The following NRXN1 variants were observed in gnomAD, a reference collection of about 807,000 sequenced individuals.
NRXN1 encodes the protein neurexin 1, also known as neurexin-1.
A neutral mutation model predicts 150.9 loss-of-function variants in NRXN1; 39 were observed. The observed-to-expected ratio is 0.26, with a 90% confidence interval of 0.20 to 0.34. The LOEUF (loss-of-function observed/expected upper bound fraction) is 0.34. Among genes scored for constraint, NRXN1 ranks in the 10% least tolerant of loss-of-function variants. The pLI is 1.00. For missense variants in NRXN1, 1,815 were observed against 1,949.9 expected, an observed-to-expected ratio of 0.93 and a Z score of 1.30; for synonymous variants, 924 against 757.0, an observed-to-expected ratio of 1.22 and a Z score of -3.62.
chr2:50,023,783 C>T (rs185673122), intron 21 of NRXN1: 7 of 152,236 alleles, frequency 4.6e-5, no homozygotes, highest in Non-Finnish European at 8.8e-5. Flanking sequence ...TGGACAACAA[C>T]ATCACATACA....
intron 5 of NRXN1, among the ~76,000 whole-genome samples, chr2:50,722,979 G>A (rs1406121558): frequency 6.6e-6 from 1 of 152,040 alleles, no homozygotes; most frequent in African/African-American, 2.4e-5. Flanking sequence ...TGCTGAGCTA[G>A]AGTCATTCTC....
At chr2:50,980,225 T>C (rs1198025748) in intron 2 of NRXN1, among the ~76,000 whole-genome samples, 1 of 152,068 alleles carries the variant, frequency 6.6e-6, no homozygotes, top group African/African-American at 2.4e-5. Context: ...TGCCTCAAAC[T>C]CTTGAGTTGC....
chr2:50,951,229 G>C (rs1001528330), intron 2 of NRXN1, among the ~76,000 whole-genome samples: 1 of 152,150 alleles, frequency 6.6e-6, no homozygotes, highest in Non-Finnish European at 1.5e-5. Context: ...GATGAGATGA[G>C]AGGAGTACTA....
In NRXN1 at chr2:50,807,746, A is replaced by C. The variant is rs549553971; in HGVS notation, c.832+114123T>G. Among the ~76,000 whole-genome samples the C allele has an allele frequency of 1.3e-4, 20 of 152,262 alleles. No homozygotes were observed. In the East Asian group the frequency reaches 3.7e-3, roughly 28 times the overall value. On this transcript the variant is annotated intron_variant, in intron 5 of 22. Transcript: ENST00000401669. ...TGTCACTACCCTTAGCTATACTTTAAATTAAGAAACTAACATAATTTATTT... is the reference window on the plus strand; with the variant it reads ...TGTCACTACCCTTAGCTATACTTTACATTAAGAAACTAACATAATTTATTT...
rs568396141 is a variant in NRXN1 at position 49,933,866 on chromosome 2, C to A, written c.4216+9838G>T. 3.9e-5 allele frequency among the ~76,000 whole-genome samples: 6 copies of A among 152,278 alleles called. No homozygotes were observed. In the East Asian group the frequency reaches 1.2e-3, roughly 29 times the overall value. ...GTGTCTCAATCAGCTGTGGCAGTGACCATCAAGGACATTATCTCCCCGGGA... is the reference window on the plus strand; with the variant it reads ...GTGTCTCAATCAGCTGTGGCAGTGAACATCAAGGACATTATCTCCCCGGGA... On this transcript the variant is annotated intron_variant, in intron 22 of 22. Coordinates refer to ENST00000401669, the MANE Select transcript of NRXN1 (RefSeq NM_001330078.2).
intron 2 of NRXN1, among the ~76,000 whole-genome samples, chr2:50,950,297 T>C (rs1022264768): frequency 1.3e-5 from 2 of 152,092 alleles, no homozygotes; most frequent in Non-Finnish European, 2.9e-5. Flanking sequence ...GAGATTGCAA[T>C]AAAAAAGAAA....
intron 3 of NRXN1, 84 bp downstream of exon 3, chr2:50,925,854 C>T (rs757347663): frequency 1.9e-6 from 2 of 1,034,594 alleles, no homozygotes; most frequent in Middle Eastern, 2.1e-4. Flanking sequence ...GTTCAACTTA[C>T]CATCTAACTT....
intron 17 of NRXN1, among the ~76,000 whole-genome samples, chr2:50,388,833 G>T (rs554035706): frequency 6.6e-6 from 1 of 151,766 alleles, no homozygotes; most frequent in Non-Finnish European, 1.5e-5. Context: ...CTAAATAAAG[G>T]TTCTCTGATT....
intron 17 of NRXN1, among the ~76,000 whole-genome samples, chr2:50,385,769 T>C (rs1162310616): frequency 1.3e-5 from 2 of 152,148 alleles, no homozygotes; most frequent in East Asian, 3.9e-4. Flanking sequence ...ATTTTATCAA[T>C]GGCTTTGATA....
At chr2:50,424,535 A>G (rs1031895650) in intron 17 of NRXN1, among the ~76,000 whole-genome samples, 1 of 152,098 alleles carries the variant, frequency 6.6e-6, no homozygotes, top group Non-Finnish European at 1.5e-5. Context: ...ATATGGGTCT[A>G]CCTAACACTG....
At chr2:50,975,360 C>T (rs545880920) in intron 2 of NRXN1, among the ~76,000 whole-genome samples, 108 of 152,152 alleles carry the variant, frequency 7.1e-4, no homozygotes, top group South Asian at 1.5e-3. Context: ...AAGCAAGCTT[C>T]CATTTGAAAA....
intron 5 of NRXN1, among the ~76,000 whole-genome samples, chr2:50,815,955 C>T (rs906063431): frequency 1.3e-4 from 20 of 152,152 alleles, no homozygotes; most frequent in Admixed American, 5.2e-4. Context: ...TCTTGGAAAA[C>T]AGCCTTGCTG....
chr2:50,841,099 A>G (rs889341668), intron 5 of NRXN1: 2 of 152,638 alleles, frequency 1.3e-5, no homozygotes, highest in African/African-American at 4.8e-5. Context: ...TCATTTAGCC[A>G]CTTCAGCACA....
At chr2:50,278,540 T>C (rs2070972749) in intron 17 of NRXN1, among the ~76,000 whole-genome samples, 2 of 151,312 alleles carry the variant, frequency 1.3e-5, no homozygotes. Flanking sequence ...CAAAGGTTAA[T>C]CAAGGGCCCC....
chr2:50,318,650 A>G (rs1477991224), intron 17 of NRXN1, among the ~76,000 whole-genome samples: 1 of 152,164 alleles, frequency 6.6e-6, no homozygotes, highest in African/African-American at 2.4e-5. Context: ...AACAAGTTTG[A>G]CAGACAAAAA....
intron 5 of NRXN1, among the ~76,000 whole-genome samples, chr2:50,751,113 C>A (rs908898121): frequency 6.6e-6 from 1 of 151,970 alleles, no homozygotes; most frequent in Non-Finnish European, 1.5e-5. Flanking sequence ...GGGTTACATG[C>A]ATAAATTGGG....
intron 18 of NRXN1, among the ~76,000 whole-genome samples, chr2:50,189,474 C>T (rs1350584431): frequency 6.6e-6 from 1 of 152,078 alleles, no homozygotes; most frequent in Non-Finnish European, 1.5e-5. Context: ...TGTAACAAAC[C>T]TGCATGTTCT....
chr2:50,514,303 A>G (rs944925368), intron 12 of NRXN1, among the ~76,000 whole-genome samples: 1 of 152,146 alleles, frequency 6.6e-6, no homozygotes, highest in African/African-American at 2.4e-5. Flanking sequence ...GACCTACAGC[A>G]CCTGGTAATT....
intron 9 of NRXN1, among the ~76,000 whole-genome samples, chr2:50,539,406 A>G (rs879551498): frequency 6.6e-6 from 1 of 152,196 alleles, no homozygotes; most frequent in Non-Finnish European, 1.5e-5. Flanking sequence ...CCAAATGTTA[A>G]GGAGAAAAAT....
Sources: gnomAD v4.1 joint callset for allele counts (sites outside exome capture counted in the v4.1 genomes callset) on GRCh38, gnomAD v4.1.1 for gene constraint, MANE v1.5 for transcripts, NCBI Gene and HGNC (gene_info 2026-07-23, HGNC 2026-07-21) for gene names.